IL20RB: variants seen among roughly 807,000 people sequenced by gnomAD.
IL20RB encodes the protein interleukin 20 receptor subunit beta, also known as interleukin-20 receptor subunit beta.
In IL20RB, 21 loss-of-function variants were observed where a neutral mutation model predicts 33.3. The ratio of observed to expected loss-of-function variants is 0.63; its 90% confidence interval spans 0.45 to 0.91. The LOEUF (loss-of-function observed/expected upper bound fraction) is 0.91, where lower values mean the gene tolerates loss of function less well. Among genes scored for constraint, IL20RB ranks in the 40% least tolerant of loss-of-function variants. IL20RB has a pLI of 0.00. For synonymous variants in IL20RB, 147 were observed against 146.8 expected, an observed-to-expected ratio of 1.00 and a Z score of -0.01; for missense variants, 345 against 384.8, an observed-to-expected ratio of 0.90 and a Z score of 0.86.
chr3:136,989,341 C>A (rs551077697), intron 3 of IL20RB, 100 bp from the exon 4 acceptor site: 1 of 1,378,506 alleles, frequency 7.3e-7, no homozygotes, highest in African/African-American at 1.4e-5. Context: ...TCCTCTCCTA[C>A]GGAGACGGAC....
At position 136,982,108 on chromosome 3, in the gene IL20RB, G is replaced by C. The variant is rs564383037; in HGVS notation, c.216-52G>C. ...AAGTCAGTTACTTGCAACCATAACT[G>C]AGCCTGTGTCAGAGGGGCTGGTGTA... is the stretch of plus-strand genomic sequence containing the variant. On this transcript the variant is annotated intron_variant, in intron 2 of 6. Coordinates refer to ENST00000329582, the MANE Select transcript of IL20RB (RefSeq NM_144717.4). The C allele has an allele frequency of 5.2e-6, 7 of 1,353,736 alleles. No homozygotes were observed. In the South Asian group the frequency reaches 9.8e-5, roughly 19 times the overall value. 83.9% of individuals were successfully genotyped at this position (1,353,736 alleles called of 1,614,324 possible). A position where few individuals can be genotyped will look rare whatever the true frequency, so the allele number is the denominator to read the frequency against.
intron 6 of IL20RB, among the ~76,000 whole-genome samples, chr3:137,001,167 A>G (rs983558761): frequency 3.3e-5 from 5 of 152,228 alleles, no homozygotes; most frequent in African/African-American, 4.8e-5. Flanking sequence ...ACTCTGTGAC[A>G]GTATGACCAA....
chr3:136,974,411 A>AAT (rs1941566345), intron 1 of IL20RB, among the ~76,000 whole-genome samples: 1 of 152,160 alleles, frequency 6.6e-6, no homozygotes, highest in East Asian at 1.9e-4. Context: ...TGCCAGATGT[A>AAT]ATAGTCTTGG....
chr3:136,982,335 T>G lies in IL20RB; in HGVS notation c.391T>G (p.Phe131Val), dbSNP rs374705230. The G allele has an allele frequency of 4.3e-5, 68 of 1,587,232 alleles. No individual in the cohort carries two copies. Among genetic ancestry groups the G allele is most frequent in the Non-Finnish European group, 5.1e-5 (59 of 1,160,288 alleles). The change falls in exon 3 of 7, where the codon TTT becomes GTT. Residue 131 changes from phenylalanine (F) to valine (V), a missense_variant. By Grantham distance (50) the Phe-to-Val change is conservative. Transcript: ENST00000329582. ...AGCCTGGAGCATCCTGAAGCATCCC[T>G]TTAATAGAAACTCAAGTAAGGCACT... Reference protein sequence around the residue: ...TSAWSILKHPFNRNSTILTRP... With the variant: ...TSAWSILKHPVNRNSTILTRP...
intron 3 of IL20RB, chr3:136,986,877 A>G (rs1245955973): frequency 2.5e-5 from 10 of 404,096 alleles, no homozygotes; most frequent in Non-Finnish European, 4.9e-5. Flanking sequence ...GTGGGTTCCT[A>G]GTCTCGCTGG....
At chr3:136,970,233 A>G (rs1360137673) in intron 1 of IL20RB, among the ~76,000 whole-genome samples, 1 of 151,882 alleles carries the variant, frequency 6.6e-6, no homozygotes, top group Non-Finnish European at 1.5e-5. Flanking sequence ...CTGGGACTGT[A>G]TTAGCTGAGA....
intron 5 of IL20RB, among the ~76,000 whole-genome samples, chr3:136,993,106 T>C (rs1942063819): frequency 6.6e-6 from 1 of 152,210 alleles, no homozygotes; most frequent in Admixed American, 6.5e-5. Flanking sequence ...CTCACACCTG[T>C]AATCCCGGCA....
At chr3:136,985,868 C>T (rs975281683) in intron 3 of IL20RB, among the ~76,000 whole-genome samples, 44 of 152,310 alleles carry the variant, frequency 2.9e-4, no homozygotes, top group African/African-American at 1.0e-3. Flanking sequence ...AAACACCCCA[C>T]ACAAGGGAGG....
At position 136,991,825 on chromosome 3, in the gene IL20RB, G is replaced by A. The variant is rs1422441387; in HGVS notation, c.532-113G>A. ...GTGTTTCACCATGTTGGTCAGGCTGGTCTTGAACTCCTGACCTCAGGTGAT... is the reference window on the plus strand; with the variant it reads ...GTGTTTCACCATGTTGGTCAGGCTGATCTTGAACTCCTGACCTCAGGTGAT... On this transcript the variant is annotated intron_variant, in intron 4 of 6. Transcript: ENST00000329582. The A allele has an allele frequency of 4.9e-6, 5 of 1,027,798 alleles. No homozygotes were observed. The African/African-American group carries it at 8.0e-5, about 16-fold the overall frequency. 63.7% of individuals were successfully genotyped at this position (1,027,798 alleles called of 1,614,324 possible). A position where few individuals can be genotyped will look rare whatever the true frequency, so the allele number is the denominator to read the frequency against.
chr3:136,993,461 G>T (rs975007528), intron 5 of IL20RB, among the ~76,000 whole-genome samples: 9 of 152,086 alleles, frequency 5.9e-5, no homozygotes, highest in African/African-American at 2.2e-4. Flanking sequence ...TAGGGTACAT[G>T]TGCACAAAGT....
At chr3:137,004,551 G>A (rs562108600) in intron 6 of IL20RB, among the ~76,000 whole-genome samples, 10 of 152,178 alleles carry the variant, frequency 6.6e-5, no homozygotes, top group South Asian at 6.2e-4. Flanking sequence ...GTTTATTTGC[G>A]TAGAGGTGTT....
At chr3:136,962,473 G>T (rs1215747061) in intron 1 of IL20RB, among the ~76,000 whole-genome samples, 1 of 152,162 alleles carries the variant, frequency 6.6e-6, no homozygotes, top group African/African-American at 2.4e-5. Context: ...GTCAAGGTCG[G>T]CCAGGCGTGG....
chr3:137,007,880 G>A (rs1393053516), intron 6 of IL20RB, among the ~76,000 whole-genome samples: 2 of 152,154 alleles, frequency 1.3e-5, no homozygotes, highest in African/African-American at 4.8e-5. Context: ...GCTCACACTG[G>A]GGGCTGCAGA....
chr3:136,973,338 A>G (rs1941535632), intron 1 of IL20RB, among the ~76,000 whole-genome samples: 1 of 152,026 alleles, frequency 6.6e-6, no homozygotes, highest in Non-Finnish European at 1.5e-5. Context: ...AAAAAAAAAA[A>G]AAATTATCCG....
chr3:136,972,643 T>C (rs1342320070), intron 1 of IL20RB, among the ~76,000 whole-genome samples: 1 of 152,186 alleles, frequency 6.6e-6, no homozygotes, highest in Admixed American at 6.5e-5. Context: ...TGTGACATCT[T>C]CTTTTTAATT....
chr3:136,960,896 G>A (rs1231202899), intron 1 of IL20RB, among the ~76,000 whole-genome samples: 2 of 152,228 alleles, frequency 1.3e-5, no homozygotes, highest in African/African-American at 4.8e-5. Flanking sequence ...GCTGATAGAG[G>A]TAAAGGTGGC....
At chr3:136,991,450 G>A (rs892065948) in intron 4 of IL20RB, among the ~76,000 whole-genome samples, 1 of 152,112 alleles carries the variant, frequency 6.6e-6, no homozygotes, top group Non-Finnish European at 1.5e-5. Context: ...CACATAGTAG[G>A]TACTTAATAA....
In IL20RB at chr3:136,999,170, C is replaced by T. The variant is rs532467471; in HGVS notation, c.825+3614C>T. The stretch of plus-strand genomic sequence containing the variant: ...GGAGTGCAGTGGCATGATTATGGCT[C>T]ACTGCAGCCTCGACCTTCTGGGTTC... On this transcript the variant is annotated intron_variant, in intron 6 of 6. Transcript: ENST00000329582. Among the ~76,000 whole-genome samples, 7 of 152,114 alleles carry T rather than the reference C, an allele frequency of 4.6e-5. No homozygotes were observed. The East Asian group carries it at 1.2e-3, about 25-fold the overall frequency.
chr3:136,958,313 A>G, intron 1 of IL20RB, 112 bp downstream of exon 1: 1 of 628,238 alleles, frequency 1.6e-6, no homozygotes, highest in Non-Finnish European at 2.8e-6. Context: ...AATATCGTAT[A>G]TCTGTTTTAC....
Sources: allele counts gnomAD v4.1 joint callset (sites outside exome capture counted in the v4.1 genomes callset), GRCh38; gene constraint gnomAD v4.1.1; transcripts MANE v1.5; gene names NCBI Gene and HGNC (gene_info 2026-07-23, HGNC 2026-07-21).